The following ADORA2B variants were observed in gnomAD, a reference collection of about 807,000 sequenced individuals.
ADORA2B encodes the protein adenosine receptor A2b.
In ADORA2B, 18 loss-of-function variants were observed where a neutral mutation model predicts 20.8. The ratio of observed to expected loss-of-function variants is 0.87; its 90% CI spans 0.60 to 1.29. The LOEUF (loss-of-function observed/expected upper bound fraction) is 1.29, where lower values mean the gene tolerates loss of function less well. Ranked by LOEUF, ADORA2B falls within the 50% of genes most tolerant of loss-of-function variation. The pLI, the probability that ADORA2B is intolerant of heterozygous loss-of-function variation, is 0.00. For synonymous variants in ADORA2B, 179 were observed against 178.3 expected (o/e 1.00, Z -0.03); for missense variants, 441 against 422.7 (o/e 1.04, Z -0.38).
At position 15,967,614 on chromosome 17, in the gene ADORA2B, C is replaced by T. The variant is rs144665367; in HGVS notation, c.336-7065C>T. Among the ~76,000 whole-genome samples, 814 of 152,254 alleles carry T rather than the reference C, an allele frequency of 5.3e-3. 6 individuals carry two copies. The highest frequency in any genetic ancestry group is 0.019 in the African/African-American group (773 of 41,548). ...GGGCACGTGGGGAAGGACACTTCCT[C>T]AGCTGTACTGTTGCACTCCAGCCTG... is the stretch of plus-strand genomic sequence containing the variant. On this transcript the variant is annotated intron_variant, in intron 1 of 1. Coordinates refer to ENST00000304222, the MANE Select transcript of ADORA2B (RefSeq NM_000676.4).
At chr17:15,894,679 T>G in the ADORA2B span, among the ~76,000 whole-genome samples, 1 of 152,080 alleles carries the variant, frequency 6.6e-6, no homozygotes, top group African/African-American at 2.4e-5. Context: ...AGTGACAGAT[T>G]GGTTGTAGGG....
the ADORA2B span, among the ~76,000 whole-genome samples, chr17:15,904,811 G>C: frequency 6.6e-6 from 1 of 152,064 alleles, no homozygotes; most frequent in Non-Finnish European, 1.5e-5. Context: ...CCATTTGTTA[G>C]AGCGTCCTTT....
intron 1 of ADORA2B, among the ~76,000 whole-genome samples, chr17:15,954,698 T>C (rs1969945552): frequency 6.6e-6 from 1 of 152,124 alleles, no homozygotes; most frequent in Admixed American, 6.5e-5. Context: ...GCCCAGGAGG[T>C]TGAGGCTGCA....
the ADORA2B span, among the ~76,000 whole-genome samples, chr17:15,869,292 C>T: frequency 6.6e-6 from 1 of 151,486 alleles, no homozygotes; most frequent in South Asian, 2.1e-4. Context: ...TGCACTGTAG[C>T]CTGGGTGACA....
In ADORA2B at chr17:15,958,297, C is replaced by T. The variant is rs138038216; in HGVS notation, c.335+12714C>T. Among the ~76,000 whole-genome samples the T allele has an allele frequency of 5.4e-3, 824 of 152,298 alleles. 6 individuals are homozygous for T. The highest frequency in any genetic ancestry group is 0.021 in the East Asian group (107 of 5,178). ...CCTTCCAAAGTGCTGGGATTGCAGG[C>T]GTGAGCCACCACGCCCGGCCCAGGT... On this transcript the variant is annotated intron_variant, in intron 1 of 1. Transcript: ENST00000304222.
intron 1 of ADORA2B, among the ~76,000 whole-genome samples, chr17:15,950,001 G>C (rs1358827832): frequency 6.6e-6 from 1 of 152,192 alleles, no homozygotes; most frequent in Non-Finnish European, 1.5e-5. Flanking sequence ...TAATGGGTTG[G>C]ATGATGGCCC....
the ADORA2B span, among the ~76,000 whole-genome samples, chr17:15,882,929 A>G: frequency 6.6e-6 from 1 of 152,190 alleles, no homozygotes; most frequent in African/African-American, 2.4e-5. Context: ...CAGAAAAAGG[A>G]GGCCTTGATA....
At chr17:15,876,480 C>CA in the ADORA2B span, among the ~76,000 whole-genome samples, 1 of 136,788 alleles carries the variant, frequency 7.3e-6, no homozygotes, top group Non-Finnish European at 1.5e-5. Flanking sequence ...GCTAGTCACT[C>CA]ACTGCACCCT....
At chr17:15,874,269 A>G in the ADORA2B span, among the ~76,000 whole-genome samples, 1 of 151,922 alleles carries the variant, frequency 6.6e-6, no homozygotes, top group Admixed American at 6.6e-5. Context: ...GAGCTAAGCT[A>G]TGGGTATGCA....
chr17:15,945,151 G>T lies in ADORA2B; in HGVS notation c.-98G>T. 1 of 1,079,168 alleles carries T rather than the reference G, an allele frequency of 9.3e-7. No homozygotes were observed. Among genetic ancestry groups the T allele is most frequent in the Non-Finnish European group, 1.2e-6 (1 of 833,712 alleles). 66.8% of individuals were successfully genotyped at this position (1,079,168 alleles called of 1,614,324 possible). On this transcript the variant is annotated 5_prime_UTR_variant, in exon 1 of 2. Transcript: ENST00000304222. Reference sequence around the variant, plus strand: ...GCTCAGAAGCGGCAGGCGGAGGCGCGGTCCGGGCGCTATGGCCATGCCCGG... The same window carrying T: ...GCTCAGAAGCGGCAGGCGGAGGCGCTGTCCGGGCGCTATGGCCATGCCCGG...
chr17:15,931,294 C>G, the ADORA2B span, among the ~76,000 whole-genome samples: 2 of 152,216 alleles, frequency 1.3e-5, no homozygotes, highest in Non-Finnish European at 2.9e-5. Flanking sequence ...GAGCCTAAAT[C>G]CAAGGTCACC....
chr17:15,951,464 A>G (rs1318272004), intron 1 of ADORA2B, among the ~76,000 whole-genome samples: 1 of 152,138 alleles, frequency 6.6e-6, no homozygotes, highest in Non-Finnish European at 1.5e-5. Context: ...TTTGTCCTCC[A>G]TTGTTAGCAC....
the ADORA2B span, among the ~76,000 whole-genome samples, chr17:15,927,745 A>C: frequency 6.6e-6 from 1 of 152,210 alleles, no homozygotes; most frequent in Non-Finnish European, 1.5e-5. Flanking sequence ...GGCAGAGCAG[A>C]TGGAGCGGCT....
chr17:15,965,241 C>T (rs905090703), intron 1 of ADORA2B, among the ~76,000 whole-genome samples: 6 of 152,154 alleles, frequency 3.9e-5, no homozygotes, highest in African/African-American at 1.4e-4. Context: ...TTTAGAACTC[C>T]CAAGTCCCAG....
the ADORA2B span, among the ~76,000 whole-genome samples, chr17:15,851,681 C>T: frequency 6.6e-6 from 1 of 152,188 alleles, no homozygotes; most frequent in African/African-American, 2.4e-5. Context: ...AGGACTTTGG[C>T]AAATACACCC....
chr17:15,923,969 A>G, the ADORA2B span, among the ~76,000 whole-genome samples: 1 of 151,884 alleles, frequency 6.6e-6, no homozygotes, highest in African/African-American at 2.4e-5. Context: ...CTGGAGCGCA[A>G]TGGCGTGATC....
At chr17:15,866,694 TCTGCCTCTGCCG>T in the ADORA2B span, among the ~76,000 whole-genome samples, 1 of 143,792 alleles carries the variant, frequency 7.0e-6, no homozygotes, top group Non-Finnish European at 1.5e-5. Context: ...TCCCTCTGCC[TCTGCCTCTGCCG>T]CTGCCGCTGC....
chr17:15,944,974 G>T (rs925363356), upstream of ADORA2B: 1 of 259,950 alleles, frequency 3.8e-6, no homozygotes, highest in East Asian at 7.4e-5. This position sits in a 1 kb window ranked among gnomAD's most constrained non-coding sequence, Gnocchi z 4.8. Context: ...TGGACCGGAG[G>T]GGCCCCGCGC....
chr17:15,942,539 G>C (rs1008514217), upstream of ADORA2B, among the ~76,000 whole-genome samples: 5 of 152,180 alleles, frequency 3.3e-5, no homozygotes, highest in African/African-American at 7.2e-5. Context: ...GTGATTCAGG[G>C]AAGGTTTCCT....
Sources: allele counts gnomAD v4.1 joint callset (sites outside exome capture counted in the v4.1 genomes callset), GRCh38; gene constraint gnomAD v4.1.1; non-coding constraint Gnocchi (gnomAD v3.1); transcripts MANE v1.5; gene names NCBI Gene and HGNC (gene_info 2026-07-23, HGNC 2026-07-21).